The following CLASRP variants were observed in gnomAD, a reference collection of about 807,000 sequenced individuals.
The protein encoded by CLASRP is CLK4-associating serine/arginine rich protein.
A neutral mutation model predicts 99.9 loss-of-function variants in CLASRP; 52 were observed. The observed-to-expected ratio is 0.52, with a 90% CI of 0.42 to 0.66. The LOEUF (loss-of-function observed/expected upper bound fraction) is 0.66. Ranked by LOEUF, CLASRP falls within the 30% of genes least tolerant of loss-of-function variation. The pLI is 0.00. For synonymous variants in CLASRP, 379 were observed against 373.0 expected (o/e 1.02, Z -0.18); for missense variants, 848 against 999.2 (o/e 0.85, Z 2.04).
At position 45,069,314 on chromosome 19, in the gene CLASRP, G is replaced by T. The variant is rs1028108600; in HGVS notation, c.1874+66G>T. On this transcript the variant is annotated intron_variant, in intron 18 of 20. Transcript: ENST00000221455. ...GGCCTGCCTGGCCTTCCCACCATGG[G>T]CTGCTGGCTCAAGCCCTGCCCAGCT... 4 of 1,538,164 alleles carry T rather than the reference G, an allele frequency of 2.6e-6. No individual in the cohort carries two copies. The African/African-American group carries it at 5.5e-5, about 21-fold the overall frequency.
chr19:45,070,006 T>C lies in CLASRP; in HGVS notation c.1875-16T>C. The C allele has an allele frequency of 1.3e-6, 2 of 1,486,878 alleles. No homozygotes were observed. The highest frequency in any genetic ancestry group is 1.1e-5 in the South Asian group (1 of 88,510). 92.1% of individuals were successfully genotyped at this position (1,486,878 alleles called of 1,614,324 possible). On this transcript the variant is annotated splice_polypyrimidine_tract_variant and intron_variant, in intron 18 of 20. Transcript: ENST00000221455. ...TCCAGTGTTCCCGGCCAGATGCTCATGCCATGCCTTCGCAGGGAGCGGGAA... is the reference window on the plus strand; with the variant it reads ...TCCAGTGTTCCCGGCCAGATGCTCACGCCATGCCTTCGCAGGGAGCGGGAA...
intron 2 of CLASRP, among the ~76,000 whole-genome samples, chr19:45,049,336 G>T (rs771044819): frequency 6.6e-6 from 1 of 152,168 alleles, no homozygotes; most frequent in African/African-American, 2.4e-5. Context: ...AGCTGGGTGC[G>T]CTGTGTGGCC....
chr19:45,046,853 C>T (rs955578729), intron 2 of CLASRP, among the ~76,000 whole-genome samples: 1 of 152,160 alleles, frequency 6.6e-6, no homozygotes, highest in East Asian at 1.9e-4. Context: ...CATGGAGAAA[C>T]GTCATCTCTA....
At chr19:45,063,330 T>C in intron 11 of CLASRP, among the ~76,000 whole-genome samples, 1 of 151,422 alleles carries the variant, frequency 6.6e-6, no homozygotes, top group Admixed American at 6.6e-5. Flanking sequence ...TTTACTAAAA[T>C]AGAATTGCAC....
Position 45,067,405 on chromosome 19 carries a change from G to T in CLASRP, c.1478G>T (p.Arg493Leu), listed in dbSNP as rs751562643. The T allele has an allele frequency of 2.0e-6, 3 of 1,532,860 alleles. No homozygotes were observed. Among genetic ancestry groups the T allele is most frequent in the Admixed American group, 2.0e-5 (1 of 50,918 alleles). 95.0% of individuals were successfully genotyped at this position (1,532,860 alleles called of 1,614,324 possible). ...GRGLRHHSSS[R>L]SRSSWSLSPS... ...GGCCTCAGGCACCACAGCAGTAGCC[G>T]CAGCCGCAGCAGCTGGTCCCTCAGC... The change falls in exon 14 of 21, where the codon CGC (arginine) becomes CTC (leucine). Residue 493 changes from arginine (R) to leucine (L), a missense_variant. Coordinates refer to ENST00000221455, the MANE Select transcript of CLASRP (RefSeq NM_007056.3). The surrounding 1 kb of genome is among the most constrained non-coding windows in gnomAD (Gnocchi z 4.9).
intron 15 of CLASRP, 116 bp from the exon 16 acceptor site, chr19:45,068,304 G>A (rs1016941450): frequency 5.9e-5 from 39 of 664,676 alleles, no homozygotes; most frequent in South Asian, 4.1e-4. Context: ...TCCTCCCCAC[G>A]TCGTTCTCCC....
At chr19:45,070,304 T>TACAC (rs147314692) in intron 19 of CLASRP, among the ~76,000 whole-genome samples, 200 bp downstream of exon 19, 10 of 150,718 alleles carry the variant, frequency 6.6e-5, no homozygotes, top group Admixed American at 2.6e-4. Flanking sequence ...CACACATACG[T>TACAC]ACACACACAC....
rs1967198664 is a variant in CLASRP, at chr19:45,070,013, C to T, written c.1875-9C>T. 2.6e-6 allele frequency: 4 copies of T among 1,546,790 alleles called. No homozygotes were observed. Among genetic ancestry groups the T allele is most frequent in the Non-Finnish European group, 3.6e-6 (4 of 1,118,738 alleles). ...TTCCCGGCCAGATGCTCATGCCATG[C>T]CTTCGCAGGGAGCGGGAACGCCGAG... On this transcript the variant is annotated splice_polypyrimidine_tract_variant and intron_variant, in intron 18 of 20. Coordinates refer to ENST00000221455, the MANE Select transcript of CLASRP (RefSeq NM_007056.3).
chr19:45,047,188 A>G (rs748491328), intron 2 of CLASRP, among the ~76,000 whole-genome samples: 3 of 152,194 alleles, frequency 2.0e-5, no homozygotes, highest in Non-Finnish European at 4.4e-5. Flanking sequence ...AATATTATTC[A>G]ATCTTAAAAA....
intron 7 of CLASRP, among the ~76,000 whole-genome samples, 166 bp from the exon 8 acceptor site, chr19:45,059,102 G>T (rs73939603): frequency 6.6e-6 from 1 of 152,138 alleles, no homozygotes; most frequent in African/African-American, 2.4e-5. Context: ...GGCAAGCCCA[G>T]TGCCAGCCTA....
intron 2 of CLASRP, chr19:45,040,831 G>A (rs1971798676): frequency 6.4e-6 from 1 of 155,408 alleles, no homozygotes; most frequent in Admixed American, 6.3e-5. Context: ...AGGCTTAGTG[G>A]TGTGTGCATG....
At position 45,040,210 on chromosome 19, in the gene CLASRP, A is replaced by G. The variant is rs1186103366; in HGVS notation, c.-3A>G. The G allele has an allele frequency of 5.0e-6, 8 of 1,603,000 alleles. No homozygotes were observed. The highest frequency in any genetic ancestry group is 6.8e-6 in the Non-Finnish European group (8 of 1,176,192). ...TTGAGGCCCCAGGCTTGGCCTCACC[A>G]CAATGTGGCACGAGGCTCGGAAGCA... On this transcript the variant is annotated 5_prime_UTR_variant, in exon 2 of 21. Coordinates refer to ENST00000221455, the MANE Select transcript of CLASRP (RefSeq NM_007056.3).
At chr19:45,051,525 G>A (rs1972022837) in intron 2 of CLASRP, among the ~76,000 whole-genome samples, 1 of 151,832 alleles carries the variant, frequency 6.6e-6, no homozygotes, top group Admixed American at 6.6e-5. Flanking sequence ...ATGTTGGTCT[G>A]GAACTCCTGA....
chr19:45,059,102 G>C (rs73939603), intron 7 of CLASRP, among the ~76,000 whole-genome samples, 166 bp from the exon 8 acceptor site: 1 of 152,138 alleles, frequency 6.6e-6, no homozygotes, highest in East Asian at 1.9e-4. Flanking sequence ...GGCAAGCCCA[G>C]TGCCAGCCTA....
chr19:45,053,476 T>TTTTA (rs1276514745), intron 5 of CLASRP, among the ~76,000 whole-genome samples: 1 of 152,112 alleles, frequency 6.6e-6, no homozygotes, highest in African/African-American at 2.4e-5. Context: ...ATGTTTTTAT[T>TTTTA]TTTATTTATT....
chr19:45,045,227 G>A (rs952484163), intron 2 of CLASRP, among the ~76,000 whole-genome samples: 5 of 152,222 alleles, frequency 3.3e-5, no homozygotes, highest in Non-Finnish European at 5.9e-5. Context: ...TGTTGAGAAA[G>A]TTTCTAGGCC....
Position 45,052,782 on chromosome 19 carries a change from C to T in CLASRP, c.198-9C>T, listed in dbSNP as rs1316677589. 1 of 1,606,598 alleles carries T rather than the reference C, an allele frequency of 6.2e-7. No homozygotes were observed. Among genetic ancestry groups the T allele is most frequent in the Non-Finnish European group, 8.5e-7 (1 of 1,174,888 alleles). On this transcript the variant is annotated splice_polypyrimidine_tract_variant and intron_variant, in intron 3 of 20. Coordinates refer to ENST00000221455, the MANE Select transcript of CLASRP (RefSeq NM_007056.3). Reference sequence around the variant, plus strand: ...AGGTTCTTGCTTTCTTGCTCCCCTCCCACTTCAGGATGCCCTGGCAGGGGG... The same window carrying T: ...AGGTTCTTGCTTTCTTGCTCCCCTCTCACTTCAGGATGCCCTGGCAGGGGG...
At chr19:45,066,553 G>A (rs1292873035) in intron 13 of CLASRP, among the ~76,000 whole-genome samples, 1 of 148,884 alleles carries the variant, frequency 6.7e-6, no homozygotes, top group East Asian at 2.0e-4. Flanking sequence ...AACCCAGGAG[G>A]CAGAGGTTGC....
At chr19:45,056,905 A>AG (rs1241503173) in intron 6 of CLASRP, among the ~76,000 whole-genome samples, 1 of 152,152 alleles carries the variant, frequency 6.6e-6, no homozygotes, top group Non-Finnish European at 1.5e-5. Flanking sequence ...GGCATGCAGG[A>AG]GATGGGGCTT....
Sources: allele counts gnomAD v4.1 joint callset (sites outside exome capture counted in the v4.1 genomes callset), GRCh38; gene constraint gnomAD v4.1.1; non-coding constraint Gnocchi (gnomAD v3.1); transcripts MANE v1.5; gene names NCBI Gene and HGNC (gene_info 2026-07-23, HGNC 2026-07-21).